The following OCA2 variants were observed in gnomAD, a reference collection of about 807,000 sequenced individuals.
OCA2 encodes P protein.
Under a neutral mutation model 100.2 loss-of-function variants are expected in OCA2, and 77 were observed. The ratio of observed to expected loss-of-function variants is 0.77; its 90% CI spans 0.64 to 0.93. OCA2 has a LOEUF of 0.93. Ranked by LOEUF, OCA2 falls within the 40% of genes least tolerant of loss-of-function variation. OCA2 has a pLI of 0.00. For synonymous variants in OCA2, 432 were observed against 439.2 expected (o/e 0.98, Z 0.21); for missense variants, 1,062 against 1,089.1 (o/e 0.98, Z 0.35).
chr15:27,782,255 G>C (rs776859259), intron 23 of OCA2, among the ~76,000 whole-genome samples: 1 of 152,164 alleles, frequency 6.6e-6, no homozygotes, highest in Non-Finnish European at 1.5e-5. Context: ...GCCCCAGATA[G>C]AGCAACCTCA....
At chr15:28,088,605 T>G (rs2044818896) in intron 1 of OCA2, among the ~76,000 whole-genome samples, 1 of 152,132 alleles carries the variant, frequency 6.6e-6, no homozygotes, top group South Asian at 2.1e-4. Flanking sequence ...AGAGAAATTT[T>G]AAAGCTGGGC....
chr15:28,010,970 T>C (rs2042223218), intron 9 of OCA2, among the ~76,000 whole-genome samples: 2 of 152,260 alleles, frequency 1.3e-5, no homozygotes, highest in Middle Eastern at 3.4e-3. Context: ...GTGGTACTGG[T>C]AGAGGAACAG....
chr15:27,852,776 AC>A (rs2035802558), intron 21 of OCA2, among the ~76,000 whole-genome samples: 1 of 139,912 alleles, frequency 7.1e-6, no homozygotes, highest in African/African-American at 2.6e-5. Context: ...ATGAACAGAC[AC>A]TTCTCAAAAG....
At chr15:28,025,002 A>G in intron 4 of OCA2, 100 bp from the exon 5 acceptor site, 2 of 1,094,236 alleles carry the variant, frequency 1.8e-6, no homozygotes, top group South Asian at 2.6e-5. Context: ...ATCTCAAAGC[A>G]TGTGTTTTGA....
intron 23 of OCA2, among the ~76,000 whole-genome samples, chr15:27,806,102 C>T (rs1401084249): frequency 6.6e-6 from 1 of 152,158 alleles, no homozygotes; most frequent in Admixed American, 6.5e-5. Context: ...CAGTGCCTGG[C>T]TAATGGCACC....
At chr15:28,048,691 T>C (rs1345329230) in intron 2 of OCA2, among the ~76,000 whole-genome samples, 3 of 152,120 alleles carry the variant, frequency 2.0e-5, no homozygotes, top group Non-Finnish European at 2.9e-5. Flanking sequence ...TTCATCAAAA[T>C]TAAAATCCTT....
At chr15:27,823,359 AAGAT>A (rs1182826089) in intron 23 of OCA2, among the ~76,000 whole-genome samples, 6 of 152,176 alleles carry the variant, frequency 3.9e-5, no homozygotes, top group African/African-American at 1.2e-4. Context: ...GGGAGGAAGA[AAGAT>A]AGGTCACGGA....
rs190484410 is a variant in OCA2, at chr15:28,061,514, T to G, written c.227+20134A>C. ...ACAAAAATATACACATGCAAAGACA[T>G]GTATGGTCCATACACAAGAAAAAAA... On this transcript the variant is annotated intron_variant, in intron 2 of 23. Coordinates refer to ENST00000354638, the MANE Select transcript of OCA2 (RefSeq NM_000275.3). Among the ~76,000 whole-genome samples the G allele has an allele frequency of 3.2e-3, 483 of 152,206 alleles. 1 individual carries two copies. Among genetic ancestry groups the G allele is most frequent in the Middle Eastern group, 6.8e-3 (2 of 294 alleles).
At position 28,081,871 on chromosome 15, in the gene OCA2, G is replaced by A. The variant is rs781021505; in HGVS notation, c.4C>T (p.His2Tyr). 6.2e-7 allele frequency: 1 copy of A among 1,609,982 alleles called. No individual in the cohort carries two copies. Among genetic ancestry groups the A allele is most frequent in the Non-Finnish European group, 8.5e-7 (1 of 1,179,358 alleles). Residue 2 changes from histidine to tyrosine, a missense_variant, in exon 2 of 24, where the codon CAT becomes TAT. His to Tyr is a moderately conservative substitution (Grantham distance 83). Transcript: ENST00000354638. MHLEGRDGRRYP... is the reference protein window; with the variant it reads MYLEGRDGRRYP... ...CGCCTGCCGTCTCTGCCCTCCAGAT[G>A]CATGCTCCACTGCCAGTCTTCTCTC...
intron 18 of OCA2, among the ~76,000 whole-genome samples, chr15:27,942,041 G>A (rs991281456): frequency 1.3e-5 from 2 of 152,004 alleles, no homozygotes; most frequent in Non-Finnish European, 2.9e-5. Flanking sequence ...AAATCAGAAC[G>A]CTCATGCATT....
intron 19 of OCA2, among the ~76,000 whole-genome samples, chr15:27,876,459 A>T (rs977468555): frequency 6.6e-6 from 1 of 152,052 alleles, no homozygotes; most frequent in African/African-American, 2.4e-5. Flanking sequence ...GACCTACAAA[A>T]TAAGTGGGGA....
chr15:27,805,443 C>T (rs1193204637), intron 23 of OCA2, among the ~76,000 whole-genome samples: 1 of 152,210 alleles, frequency 6.6e-6, no homozygotes, highest in Non-Finnish European at 1.5e-5. Flanking sequence ...TGGCTGCACA[C>T]CGCGGGGACC....
intron 11 of OCA2, 81 bp from the exon 12 acceptor site, chr15:27,986,724 T>A: frequency 1.1e-6 from 1 of 950,370 alleles, no homozygotes; most frequent in Non-Finnish European, 1.7e-6. Context: ...CCCTTACACA[T>A]TTGAGCTCTG....
rs73374145 is a variant in OCA2, at chr15:27,848,060, C to A, written c.2339-3008G>T. Among the ~76,000 whole-genome samples the A allele has an allele frequency of 3.2e-3, 486 of 152,266 alleles. 6 individuals carry two copies. The highest frequency in any genetic ancestry group is 0.011 in the African/African-American group (466 of 41,566). Reference sequence around the variant, plus strand: ...ACCATGGCCAGAGGAGGGAGCGGGACCCCTATGTTTTCTGAGGTTTGGTCT... The same window carrying A: ...ACCATGGCCAGAGGAGGGAGCGGGAACCCTATGTTTTCTGAGGTTTGGTCT... On this transcript the variant is annotated intron_variant, in intron 22 of 23. Transcript: ENST00000354638.
At chr15:27,773,690 T>C (rs2032022863) in intron 23 of OCA2, among the ~76,000 whole-genome samples, 1 of 152,174 alleles carries the variant, frequency 6.6e-6, no homozygotes, top group Admixed American at 6.5e-5. Flanking sequence ...ATACCCAAGG[T>C]CACACAGGAG....
chr15:27,991,885 A>G (rs373034240), intron 9 of OCA2, among the ~76,000 whole-genome samples: 5 of 152,332 alleles, frequency 3.3e-5, no homozygotes, highest in African/African-American at 1.2e-4. Flanking sequence ...ATTACCTGAA[A>G]TGCAAATTCT....
chr15:27,966,577 T>A, intron 15 of OCA2, 113 bp downstream of exon 15: 1 of 1,170,384 alleles, frequency 8.5e-7, no homozygotes, highest in East Asian at 2.4e-5. Context: ...GTCACTGGTA[T>A]TGAGCATCCA....
chr15:27,914,347 G>A (rs766442009), intron 19 of OCA2, among the ~76,000 whole-genome samples: 2 of 152,124 alleles, frequency 1.3e-5, no homozygotes, highest in Non-Finnish European at 2.9e-5. Context: ...ACATAGTACT[G>A]GAAGTCCTAG....
At chr15:27,816,156 A>G (rs1430581474) in intron 23 of OCA2, among the ~76,000 whole-genome samples, 1 of 152,202 alleles carries the variant, frequency 6.6e-6, no homozygotes, top group Non-Finnish European at 1.5e-5. Context: ...ACAAAATAAG[A>G]AAATAATTAT....
Sources: gnomAD v4.1 joint callset for allele counts (sites outside exome capture counted in the v4.1 genomes callset) on GRCh38, gnomAD v4.1.1 for gene constraint, MANE v1.5 for transcripts, NCBI Gene and HGNC (gene_info 2026-07-23, HGNC 2026-07-21) for gene names.